The following IGF2BP3 variants were observed in gnomAD, a reference collection of about 807,000 sequenced individuals.
IGF2BP3 encodes insulin like growth factor 2 mRNA binding protein 3.
In IGF2BP3, 9 loss-of-function variants were observed where a neutral mutation model predicts 73.8. The observed-to-expected ratio is 0.12, with a 90% confidence interval of 0.07 to 0.21. The LOEUF is 0.21. Ranked by LOEUF, IGF2BP3 falls within the 10% of genes least tolerant of loss-of-function variation. The probability of loss-of-function intolerance (pLI) is 1.00; values close to 1 mark genes in which losing one functional copy is unlikely to be tolerated. For missense variants in IGF2BP3, 542 were observed against 714.0 expected (o/e 0.76, Z 2.75); for synonymous variants, 258 against 256.7 (o/e 1.01, Z -0.05).
At chr7:23,352,316 T>A (rs1454633064) in intron 5 of IGF2BP3, among the ~76,000 whole-genome samples, 2 of 132,798 alleles carry the variant, frequency 1.5e-5, no homozygotes, top group African/African-American at 5.8e-5. Context: ...GGAGACAGAG[T>A]CTTGCTCTGT....
chr7:23,449,006 C>A (rs1056467210), intron 2 of IGF2BP3, among the ~76,000 whole-genome samples: 7 of 152,094 alleles, frequency 4.6e-5, no homozygotes, highest in African/African-American at 1.7e-4. Context: ...GGATTACAAG[C>A]GTGAGACATC....
chr7:23,357,334 C>A (rs915885848), intron 5 of IGF2BP3, among the ~76,000 whole-genome samples: 2 of 150,382 alleles, frequency 1.3e-5, no homozygotes, highest in African/African-American at 4.9e-5. Flanking sequence ...AGTGCAATGG[C>A]GCAATCTTGG....
intron 2 of IGF2BP3, among the ~76,000 whole-genome samples, chr7:23,426,386 T>A (rs1376336665): frequency 6.6e-6 from 1 of 151,494 alleles, no homozygotes; most frequent in Non-Finnish European, 1.5e-5. Flanking sequence ...GGGAAAAAAT[T>A]TAATGAGCAA....
chr7:23,331,441 G>A (rs997514182), intron 10 of IGF2BP3, among the ~76,000 whole-genome samples: 1 of 152,180 alleles, frequency 6.6e-6, no homozygotes, highest in African/African-American at 2.4e-5. Flanking sequence ...TAAAGGAATT[G>A]AAACTTTTAA....
chr7:23,440,122 G>C (rs1050330096), intron 2 of IGF2BP3, among the ~76,000 whole-genome samples: 1 of 152,174 alleles, frequency 6.6e-6, no homozygotes, highest in African/African-American at 2.4e-5. Flanking sequence ...AATTAGCTGG[G>C]TGTGGTGGCA....
At chr7:23,388,742 A>C (rs897112398) in intron 3 of IGF2BP3, among the ~76,000 whole-genome samples, 12 of 151,794 alleles carry the variant, frequency 7.9e-5, no homozygotes, top group Admixed American at 7.2e-4. Flanking sequence ...GCATCTGTTG[A>C]ATCTCAAATG....
At chr7:23,459,096 ATAT>A (rs1230714397) in intron 2 of IGF2BP3, among the ~76,000 whole-genome samples, 1 of 152,226 alleles carries the variant, frequency 6.6e-6, no homozygotes, top group African/African-American at 2.4e-5. Context: ...CTTTCTTATA[ATAT>A]TTAAATACAT....
At chr7:23,359,332 C>T (rs947131271) in intron 5 of IGF2BP3, among the ~76,000 whole-genome samples, 1 of 152,176 alleles carries the variant, frequency 6.6e-6, no homozygotes, top group African/African-American at 2.4e-5. Context: ...TCATCTTATG[C>T]CTCTTCAAAT....
At chr7:23,325,819 C>A (rs1364710682) in intron 10 of IGF2BP3, among the ~76,000 whole-genome samples, 1 of 152,108 alleles carries the variant, frequency 6.6e-6, no homozygotes, top group Non-Finnish European at 1.5e-5. Flanking sequence ...GAAAAACAAG[C>A]AATGGGGAAA....
Position 23,408,928 on chromosome 7 carries a change from G to C in IGF2BP3, c.285+9848C>G, listed in dbSNP as rs117406871. Among the ~76,000 whole-genome samples, 332 of 152,210 alleles carry C rather than the reference G, an allele frequency of 2.2e-3. 1 individual carries two copies. Among genetic ancestry groups the C allele is most frequent in the East Asian group, 0.015 (79 of 5,192 alleles). On this transcript the variant is annotated intron_variant, in intron 3 of 14. Transcript: ENST00000258729. The stretch of plus-strand genomic sequence containing the variant: ...GCGGTCCCCAACTATTTTCGCACCA[G>C]GGACTGGTTTCATGGAAGACAATTT...
intron 2 of IGF2BP3, among the ~76,000 whole-genome samples, chr7:23,434,344 AT>A (rs1787759204): frequency 6.6e-6 from 1 of 152,300 alleles, no homozygotes; most frequent in East Asian, 1.9e-4. Context: ...GTTGATCATT[AT>A]CAAATTATAC....
At chr7:23,320,970 G>A (rs13227599) in intron 10 of IGF2BP3, among the ~76,000 whole-genome samples, 496 of 110,612 alleles carry the variant, frequency 4.5e-3, no homozygotes, top group African/African-American at 0.013. Context: ...AAAAAAAAAA[G>A]AAAAAACAAA....
chr7:23,412,636 A>G (rs2128532038), intron 3 of IGF2BP3, among the ~76,000 whole-genome samples: 1 of 152,150 alleles, frequency 6.6e-6, no homozygotes, highest in East Asian at 1.9e-4. Context: ...CAAAATGACA[A>G]CCTTCCTTGC....
intron 2 of IGF2BP3, among the ~76,000 whole-genome samples, chr7:23,467,053 T>G (rs1033975552): frequency 3.3e-5 from 5 of 152,214 alleles, no homozygotes; most frequent in Non-Finnish European, 7.3e-5. Context: ...CTCCCTCGAT[T>G]TTCAATTCTT....
chr7:23,392,470 ATG>A, intron 3 of IGF2BP3, among the ~76,000 whole-genome samples: 3 of 150,320 alleles, frequency 2.0e-5, no homozygotes, highest in African/African-American at 4.9e-5. Context: ...ACACATATAT[ATG>A]TATATATATA....
chr7:23,457,962 C>T (rs1263775191), intron 2 of IGF2BP3, among the ~76,000 whole-genome samples: 1 of 152,172 alleles, frequency 6.6e-6, no homozygotes, highest in African/African-American at 2.4e-5. Context: ...CAGATTATTA[C>T]TTGAGTCCAC....
At position 23,314,652 on chromosome 7, in the gene IGF2BP3, CCAAGCTCACTAAAAGT is replaced by C. The variant is rs1226788837; in HGVS notation, c.1396-1015_1396-1000del. ...AGACAGAACTGCAGAGTCAGCTATG[CCAAGCTCACTAAAAGT>C]CAAGCTCACATCTACATGGGCCAGT... is the stretch of plus-strand genomic sequence containing the variant. On this transcript the variant is annotated intron_variant, in intron 12 of 14. Coordinates refer to ENST00000258729, the MANE Select transcript of IGF2BP3 (RefSeq NM_006547.3). 2.0e-4 allele frequency among the ~76,000 whole-genome samples: 30 copies of C among 152,006 alleles called. 1 individual carries two copies. The highest frequency in any genetic ancestry group is 3.5e-4 in the Non-Finnish European group (24 of 68,014).
intron 2 of IGF2BP3, among the ~76,000 whole-genome samples, chr7:23,441,954 G>A (rs910361798): frequency 1.3e-5 from 2 of 151,972 alleles, no homozygotes; most frequent in African/African-American, 2.4e-5. Flanking sequence ...GAGAAACCCC[G>A]TCTCTACTAA....
chr7:23,458,922 T>C (rs185653428), intron 2 of IGF2BP3, among the ~76,000 whole-genome samples: 232 of 152,270 alleles, frequency 1.5e-3, no homozygotes, highest in Non-Finnish European at 2.4e-3. Flanking sequence ...CTTTGAGGAT[T>C]TGGACAACTT....
Sources: gnomAD v4.1 joint callset for allele counts (sites outside exome capture counted in the v4.1 genomes callset) on GRCh38, gnomAD v4.1.1 for gene constraint, MANE v1.5 for transcripts, NCBI Gene and HGNC (gene_info 2026-07-23, HGNC 2026-07-21) for gene names.